PCDH15: variants seen among roughly 807,000 people sequenced by gnomAD.
PCDH15 encodes protocadherin-15.
A neutral mutation model predicts 178.5 loss-of-function variants in PCDH15; 129 were observed. The observed-to-expected ratio is 0.72, with a 90% CI of 0.63 to 0.84. The LOEUF is 0.84. Ranked by LOEUF, PCDH15 falls within the 40% of genes least tolerant of loss-of-function variation. The pLI is 0.00. For missense variants in PCDH15, 2,230 were observed against 2,099.9 expected, an observed-to-expected ratio of 1.06 and a Z score of -1.21; for synonymous variants, 800 against 732.0, an observed-to-expected ratio of 1.09 and a Z score of -1.50.
chr10:54,041,240 A>G (rs930258943), intron 18 of PCDH15, among the ~76,000 whole-genome samples: 2 of 152,120 alleles, frequency 1.3e-5, no homozygotes, highest in African/African-American at 2.4e-5. Context: ...AGTAAATGTT[A>G]ACTAAATTTA....
intron 18 of PCDH15, among the ~76,000 whole-genome samples, chr10:54,041,490 A>T (rs968581729): frequency 7.2e-5 from 11 of 152,090 alleles, no homozygotes; most frequent in Admixed American, 3.3e-4. Flanking sequence ...AGTAGATATT[A>T]AAAAATAATT....
intron 3 of PCDH15, among the ~76,000 whole-genome samples, chr10:54,832,270 C>T (rs1476264133): frequency 6.6e-6 from 1 of 152,074 alleles, no homozygotes; most frequent in African/African-American, 2.4e-5. Context: ...CCGAATCAGT[C>T]ACAGCAGACT....
chr10:54,559,092 CCA>C (rs2087705271), intron 2 of PCDH15, among the ~76,000 whole-genome samples: 1 of 151,870 alleles, frequency 6.6e-6, no homozygotes. Flanking sequence ...CCTCTGCATC[CCA>C]GTTTTCCCTT....
At chr10:55,175,565 C>T (rs1207964910) in intron 1 of PCDH15, among the ~76,000 whole-genome samples, 1 of 149,890 alleles carries the variant, frequency 6.7e-6, no homozygotes, top group Non-Finnish European at 1.5e-5. Context: ...TGGGGGGTGG[C>T]TGGCGCAAGA....
intron 1 of PCDH15, among the ~76,000 whole-genome samples, chr10:54,757,790 A>C (rs1476228668): frequency 6.6e-6 from 1 of 152,174 alleles, no homozygotes; most frequent in African/African-American, 2.4e-5. Flanking sequence ...TTATGAATTT[A>C]GGTTGAGTTG....
chr10:54,582,981 C>T (rs1255855993), intron 2 of PCDH15, among the ~76,000 whole-genome samples: 15 of 152,044 alleles, frequency 9.9e-5, no homozygotes, highest in Non-Finnish European at 4.4e-5. Flanking sequence ...TAAAGATACA[C>T]ATATTTCAGT....
chr10:54,935,496 C>A (rs1382500384), intron 2 of PCDH15, among the ~76,000 whole-genome samples: 1 of 152,062 alleles, frequency 6.6e-6, no homozygotes, highest in African/African-American at 2.4e-5. Flanking sequence ...AATGCAAAAG[C>A]AATTACTAAA....
At chr10:54,106,613 C>T (rs779782260) in intron 15 of PCDH15, among the ~76,000 whole-genome samples, 54 of 152,178 alleles carry the variant, frequency 3.5e-4, no homozygotes, top group Non-Finnish European at 7.1e-4. Flanking sequence ...AAAAGTATAA[C>T]GAGCATAAAA....
intron 2 of PCDH15, among the ~76,000 whole-genome samples, chr10:54,951,454 C>A (rs1466231522): frequency 1.3e-5 from 2 of 151,758 alleles, no homozygotes; most frequent in Non-Finnish European, 2.9e-5. Context: ...CACCATTTAT[C>A]CTCACCTATA....
chr10:54,748,509 A>G (rs942541816), intron 1 of PCDH15, among the ~76,000 whole-genome samples: 1 of 152,192 alleles, frequency 6.6e-6, no homozygotes, highest in African/African-American at 2.4e-5. Flanking sequence ...ATAACTGTCC[A>G]TACCCCATGT....
chr10:54,912,616 T>C (rs1485701296), intron 2 of PCDH15, among the ~76,000 whole-genome samples: 2 of 152,166 alleles, frequency 1.3e-5, no homozygotes, highest in African/African-American at 4.8e-5. Context: ...GGAAGTTCAT[T>C]ATAGCAATGT....
intron 36 of PCDH15, 30 bp downstream of exon 36, chr10:53,811,519 A>C: frequency 8.0e-7 from 1 of 1,253,938 alleles, no homozygotes; most frequent in African/African-American, 1.6e-5. Flanking sequence ...TTAAAATAAG[A>C]ATCTGAATTT....
intron 2 of PCDH15, among the ~76,000 whole-genome samples, chr10:55,520,332 A>ATATATATATACACGCAATGTG (rs1565218256): frequency 0.01 from 389 of 38,020 alleles, 81 homozygotes; most frequent in Middle Eastern, 0.015. Context: ...ATGTGTATAT[A>ATATATATATACACGCAATGTG]TATATATATA....
chr10:54,437,113 G>A (rs1410928582), intron 3 of PCDH15, among the ~76,000 whole-genome samples: 1 of 152,150 alleles, frequency 6.6e-6, no homozygotes, highest in Non-Finnish European at 1.5e-5. Flanking sequence ...AAGGAATTTT[G>A]TTGTAGCTGT....
At chr10:54,328,498 C>G (rs1033906405) in intron 7 of PCDH15, among the ~76,000 whole-genome samples, 1 of 151,946 alleles carries the variant, frequency 6.6e-6, no homozygotes, top group African/African-American at 2.4e-5. Flanking sequence ...TAGTATAATT[C>G]AGAAGTGAAT....
chr10:53,986,650 A>G (rs575421092), intron 21 of PCDH15, among the ~76,000 whole-genome samples: 1 of 152,356 alleles, frequency 6.6e-6, no homozygotes, highest in Non-Finnish European at 1.5e-5. Flanking sequence ...CAGCTTTAAA[A>G]AGAAGGAAGT....
At chr10:54,828,738 A>C (rs1366574908) in intron 3 of PCDH15, among the ~76,000 whole-genome samples, 1 of 152,070 alleles carries the variant, frequency 6.6e-6, no homozygotes, top group African/African-American at 2.4e-5. Context: ...ATGACAACAT[A>C]TTCAAATTTG....
intron 2 of PCDH15, among the ~76,000 whole-genome samples, chr10:54,648,497 G>A (rs1017315493): frequency 3.3e-5 from 5 of 152,078 alleles, no homozygotes; most frequent in African/African-American, 9.7e-5. Context: ...GAACAGGGTT[G>A]GGCACCTAGT....
chr10:54,067,819 C>A (rs1368631389), intron 17 of PCDH15, among the ~76,000 whole-genome samples: 3 of 152,022 alleles, frequency 2.0e-5, no homozygotes, highest in East Asian at 1.9e-4. Flanking sequence ...GAATTATCCA[C>A]CTTTTGTTTA....
Sources: allele counts gnomAD v4.1 joint callset (sites outside exome capture counted in the v4.1 genomes callset), GRCh38; gene constraint gnomAD v4.1.1; transcripts MANE v1.5; gene names NCBI Gene and HGNC (gene_info 2026-07-23, HGNC 2026-07-21).